ANKS1B: variants seen among roughly 807,000 people sequenced by gnomAD.
ANKS1B encodes ankyrin repeat and sterile alpha motif domain-containing protein 1B.
In ANKS1B, 36 loss-of-function variants were observed where a neutral mutation model predicts 148.3. That is an observed-to-expected ratio of 0.24 (90% CI 0.19 to 0.32). ANKS1B has a LOEUF of 0.32. Ranked by LOEUF, ANKS1B falls within the 10% of genes least tolerant of loss-of-function variation. The probability of loss-of-function intolerance (pLI) is 1.00; values close to 1 mark genes in which losing one functional copy is unlikely to be tolerated. For synonymous variants in ANKS1B, 542 were observed against 560.8 expected (o/e 0.97, Z 0.47); for missense variants, 1,157 against 1,542.6 (o/e 0.75, Z 4.19).
chr12:98,943,253 T>C (rs2099839873), intron 17 of ANKS1B, among the ~76,000 whole-genome samples: 1 of 152,210 alleles, frequency 6.6e-6, no homozygotes, highest in African/African-American at 2.4e-5. Flanking sequence ...TTTAATCTAC[T>C]TCCTTAAGCA....
intron 17 of ANKS1B, among the ~76,000 whole-genome samples, chr12:99,050,341 T>G (rs1344000326): frequency 6.6e-6 from 1 of 152,190 alleles, no homozygotes; most frequent in African/African-American, 2.4e-5. Context: ...TTTTCTGATT[T>G]CCAAGTCTGA....
chr12:99,963,177 A>G (rs964826414), intron 1 of ANKS1B, among the ~76,000 whole-genome samples: 8 of 152,118 alleles, frequency 5.3e-5, no homozygotes, highest in Non-Finnish European at 1.2e-4. Context: ...GCGTCTGTTC[A>G]TATCCTTTGC....
intron 9 of ANKS1B, among the ~76,000 whole-genome samples, chr12:99,593,189 T>A (rs1443349917): frequency 6.6e-6 from 1 of 152,008 alleles, no homozygotes; most frequent in Non-Finnish European, 1.5e-5. Flanking sequence ...GCTTTTCAGG[T>A]TAAATTTGGA....
chr12:99,083,788 A>G (rs770631300), intron 16 of ANKS1B: 1 of 152,182 alleles, frequency 6.6e-6, no homozygotes, highest in East Asian at 1.9e-4. Flanking sequence ...TTGTTTTTAT[A>G]TGGTTCCTGG....
chr12:99,707,738 C>T (rs1482970148), intron 8 of ANKS1B, among the ~76,000 whole-genome samples: 1 of 151,960 alleles, frequency 6.6e-6, no homozygotes, highest in African/African-American at 2.4e-5. Context: ...AATGGTATGA[C>T]AACCAGGTAG....
intron 15 of ANKS1B, among the ~76,000 whole-genome samples, chr12:99,130,270 T>C (rs899805121): frequency 6.6e-6 from 1 of 152,228 alleles, no homozygotes; most frequent in African/African-American, 2.4e-5. Flanking sequence ...ATGAGTCTTA[T>C]ATTTAGGAAC....
intron 9 of ANKS1B, among the ~76,000 whole-genome samples, chr12:98,738,382 G>C (rs1020150211): frequency 2.0e-5 from 3 of 152,118 alleles, no homozygotes; most frequent in African/African-American, 7.2e-5. Flanking sequence ...AACTAGAGAG[G>C]GTGGTCGAGG....
At chr12:98,761,983 C>A (rs1469975923) in intron 25 of ANKS1B, among the ~76,000 whole-genome samples, 1 of 152,132 alleles carries the variant, frequency 6.6e-6, no homozygotes, top group Non-Finnish European at 1.5e-5. Context: ...CAAATGTATT[C>A]ATTCCATAGC....
chr12:99,629,134 T>C (rs2098135212), intron 9 of ANKS1B, among the ~76,000 whole-genome samples: 1 of 152,086 alleles, frequency 6.6e-6, no homozygotes, highest in African/African-American at 2.4e-5. Context: ...AGAGGCCATA[T>C]AGCACTCAAA....
intron 19 of ANKS1B, among the ~76,000 whole-genome samples, chr12:98,828,670 T>C (rs938814784): frequency 2.0e-5 from 3 of 152,220 alleles, no homozygotes. Flanking sequence ...TTCAATTACT[T>C]GTGCTAGAAA....
chr12:99,923,214 G>A (rs1277347366), intron 1 of ANKS1B, among the ~76,000 whole-genome samples: 1 of 152,142 alleles, frequency 6.6e-6, no homozygotes, highest in Non-Finnish European at 1.5e-5. Context: ...AGGCACCAAA[G>A]AAACAGACAT....
At chr12:99,477,894 T>C (rs1228281635) in intron 10 of ANKS1B, among the ~76,000 whole-genome samples, 2 of 152,078 alleles carry the variant, frequency 1.3e-5, no homozygotes, top group African/African-American at 4.8e-5. Context: ...CACCTCAGTA[T>C]AAGGGAAGTA....
chr12:99,625,300 G>T (rs1182886362), intron 9 of ANKS1B, among the ~76,000 whole-genome samples: 2 of 151,954 alleles, frequency 1.3e-5, no homozygotes, highest in Non-Finnish European at 2.9e-5. Flanking sequence ...TTACTATATG[G>T]GTGATAGGAT....
At chr12:99,546,180 A>G (rs988175177) in intron 9 of ANKS1B, among the ~76,000 whole-genome samples, 2 of 152,180 alleles carry the variant, frequency 1.3e-5, no homozygotes, top group African/African-American at 2.4e-5. Context: ...CATTTATTCT[A>G]CCTGCCTGGA....
intron 17 of ANKS1B, among the ~76,000 whole-genome samples, chr12:99,050,818 A>G (rs1344174593): frequency 1.4e-5 from 2 of 147,794 alleles, no homozygotes; most frequent in African/African-American, 5.0e-5. Context: ...CAGCCTCCCG[A>G]GTAGCTGGGA....
chr12:99,375,895 C>G (rs919668922), intron 12 of ANKS1B, among the ~76,000 whole-genome samples: 2 of 152,176 alleles, frequency 1.3e-5, no homozygotes, highest in Admixed American at 1.3e-4. Flanking sequence ...CCTCTCTCTT[C>G]CTCTAAATCC....
At chr12:99,716,660 G>C (rs191811346) in intron 8 of ANKS1B, among the ~76,000 whole-genome samples, 1 of 151,760 alleles carries the variant, frequency 6.6e-6, no homozygotes, top group Non-Finnish European at 1.5e-5. Context: ...ATGGGCAAAC[G>C]GTCTGAGGTG....
chr12:99,636,745 T>C (rs1242451745), intron 9 of ANKS1B, among the ~76,000 whole-genome samples: 4 of 152,190 alleles, frequency 2.6e-5, no homozygotes, highest in African/African-American at 9.7e-5. Flanking sequence ...TCCACTGCTC[T>C]GTGCACGTCC....
chr12:99,983,032 T>C (rs1274649783), intron 1 of ANKS1B, among the ~76,000 whole-genome samples: 3 of 152,254 alleles, frequency 2.0e-5, no homozygotes, highest in Admixed American at 6.5e-5. Context: ...AAGGGTAGCA[T>C]GGAACAGTTT....
Sources: gnomAD v4.1 joint callset for allele counts (sites outside exome capture counted in the v4.1 genomes callset) on GRCh38, gnomAD v4.1.1 for gene constraint, MANE v1.5 for transcripts, NCBI Gene and HGNC (gene_info 2026-07-23, HGNC 2026-07-21) for gene names.